Variants in TDRD5 observed in about 807,000 individuals in gnomAD.
TDRD5 encodes tudor domain containing 5.
TDRD5 carries 41 observed loss-of-function variants against 120.6 expected under a neutral mutation model. That is an observed-to-expected ratio of 0.34 (90% CI 0.26 to 0.44). The LOEUF is 0.44. TDRD5 is among the 20% of genes least tolerant of loss of function. The probability of loss-of-function intolerance (pLI) is 1.00; values close to 1 mark genes in which losing one functional copy is unlikely to be tolerated. For missense variants in TDRD5, 1,006 were observed against 1,221.2 expected (o/e 0.82, Z 2.63); for synonymous variants, 430 against 433.7 (o/e 0.99, Z 0.11).
chr1:179,625,827 A>G (rs147856249), intron 6 of TDRD5, among the ~76,000 whole-genome samples: 4,847 of 152,282 alleles, frequency 0.032, 114 homozygotes, highest in Middle Eastern at 0.051. Flanking sequence ...ATGTCCAACA[A>G]TGATAGACTG....
intron 17 of TDRD5, among the ~76,000 whole-genome samples, chr1:179,675,277 T>A (rs1459591245): frequency 1.8e-4 from 23 of 125,196 alleles, no homozygotes; most frequent in African/African-American, 6.4e-4. Flanking sequence ...ATTATTATTT[T>A]TTTTTTTTTT....
intron 15 of TDRD5, 29 bp from the exon 16 acceptor site, chr1:179,663,319 A>C (rs940025974): frequency 1.9e-6 from 3 of 1,589,378 alleles, no homozygotes; most frequent in Non-Finnish European, 2.6e-6. Flanking sequence ...ACTTTATCTC[A>C]GTCTGTTGTT....
At chr1:179,640,475 C>T (rs1677985522) in intron 11 of TDRD5, 30 bp downstream of exon 11, 1 of 1,606,418 alleles carries the variant, frequency 6.2e-7, no homozygotes, top group Admixed American at 1.7e-5. Context: ...ATTTAATCAG[C>T]AAACACTTGA....
At position 179,651,326 on chromosome 1, in the gene TDRD5, C is replaced by T. The variant is rs182919859; in HGVS notation, c.2001+259C>T. Among the ~76,000 whole-genome samples the T allele has an allele frequency of 1.8e-4, 27 of 152,226 alleles. 1 individual carries two copies. In the East Asian group the frequency reaches 3.7e-3, roughly 21 times the overall value. On this transcript the variant is annotated intron_variant, in intron 12 of 17. Transcript: ENST00000444136. ...TAAAAAGTAGTTATCTGGCCAGGCA[C>T]GGTGGCTGTCACCTGTAATCCCAGC...
At chr1:179,606,506 C>T (rs143791723) in intron 4 of TDRD5, among the ~76,000 whole-genome samples, 33 of 152,140 alleles carry the variant, frequency 2.2e-4, no homozygotes, top group Middle Eastern at 3.4e-3. Context: ...AGAAACTCAT[C>T]GCCTTATCCA....
chr1:179,634,541 C>T lies in TDRD5; in HGVS notation c.1211C>T (p.Thr404Ile), dbSNP rs199820621. Residue 404 changes from threonine (T) to isoleucine (I), a missense_variant, in exon 8 of 18, where the codon ACT becomes ATT. Around this residue, in one of 3 missense-constraint regions of TDRD5, gnomAD observed 445 missense variants for 515.5 expected, o/e 0.86. Coordinates refer to ENST00000444136, the MANE Select transcript of TDRD5 (RefSeq NM_001199085.3). ...TTGTCTACTGCTGCTGTCAAAGAGACTGTATGGAATTGCCCTTCAAAAAAA... is the reference window on the plus strand; with the variant it reads ...TTGTCTACTGCTGCTGTCAAAGAGATTGTATGGAATTGCCCTTCAAAAAAA... Reference protein sequence around the residue: ...NSLSTAAVKETVWNCPSKKQK... With the variant: ...NSLSTAAVKEIVWNCPSKKQK... 21 of 1,613,854 alleles carry T rather than the reference C, an allele frequency of 1.3e-5. No individual in the cohort carries two copies. The highest frequency in any genetic ancestry group is 1.8e-5 in the Non-Finnish European group (21 of 1,179,976).
intron 14 of TDRD5, 56 bp downstream of exon 14, chr1:179,654,418 A>C: frequency 7.0e-7 from 1 of 1,433,706 alleles, no homozygotes. Context: ...CACTGAATTC[A>C]TAAGTGAAGA....
chr1:179,622,697 C>G (rs1676903774), intron 6 of TDRD5, among the ~76,000 whole-genome samples: 1 of 151,958 alleles, frequency 6.6e-6, no homozygotes, highest in Non-Finnish European at 1.5e-5. Context: ...CAAGACAGAT[C>G]AATAGAAATT....
chr1:179,667,496 CT>C (rs1432509210), intron 16 of TDRD5, among the ~76,000 whole-genome samples: 1 of 152,084 alleles, frequency 6.6e-6, no homozygotes, highest in Non-Finnish European at 1.5e-5. Context: ...AACAAGTTAC[CT>C]TTTGTGCCCT....
chr1:179,620,672 T>G (rs1403941682), intron 5 of TDRD5, among the ~76,000 whole-genome samples: 1 of 152,192 alleles, frequency 6.6e-6, no homozygotes, highest in Non-Finnish European at 1.5e-5. Flanking sequence ...TTTCTAATGT[T>G]TATTGCATTT....
intron 4 of TDRD5, among the ~76,000 whole-genome samples, chr1:179,599,311 C>G (rs1401440895): frequency 6.6e-6 from 1 of 151,836 alleles, no homozygotes; most frequent in Non-Finnish European, 1.5e-5. Flanking sequence ...ATGCTTTTAT[C>G]TGGTTTTGGA....
intron 17 of TDRD5, among the ~76,000 whole-genome samples, chr1:179,681,436 T>C (rs1680414864): frequency 6.6e-6 from 1 of 152,144 alleles, no homozygotes; most frequent in African/African-American, 2.4e-5. Context: ...ATCAAAAATA[T>C]CCAGTTCTTG....
rs184789237 is a variant in TDRD5 at position 179,623,704 on chromosome 1, G to A, written c.972+2613G>A. ...GCTGGAGTACAGTGGCATGATCTTG[G>A]GTTACTGCAGCCTTGAACTCCTGGG... is the stretch of plus-strand genomic sequence containing the variant. On this transcript the variant is annotated intron_variant, in intron 6 of 17. Coordinates refer to ENST00000444136, the MANE Select transcript of TDRD5 (RefSeq NM_001199085.3). Among the ~76,000 whole-genome samples, 371 of 144,078 alleles carry A rather than the reference G, an allele frequency of 2.6e-3. 1 individual carries two copies. Among genetic ancestry groups the A allele is most frequent in the African/African-American group, 8.9e-3 (349 of 39,052 alleles). The allele number at this position is 144,078 out of a possible 152,430, so 94.5% of individuals were successfully genotyped here.
intron 14 of TDRD5, among the ~76,000 whole-genome samples, chr1:179,660,443 A>G (rs1185375987): frequency 6.6e-6 from 1 of 151,402 alleles, no homozygotes; most frequent in Non-Finnish European, 1.5e-5. Context: ...GATGGTCTCA[A>G]TCTCCTGACC....
Position 179,650,972 on chromosome 1 carries a change from T to G in TDRD5, c.1906T>G (p.Leu636Val). 4 of 1,614,170 alleles carry G rather than the reference T, an allele frequency of 2.5e-6. No homozygotes were observed. The highest frequency in any genetic ancestry group is 3.4e-6 in the Non-Finnish European group (4 of 1,180,026). ...TGTAGATGGAATCCTTAACATTTTTTTGTGTGACACATCCTCAAACGAAGA... is the reference window on the plus strand; with the variant it reads ...TGTAGATGGAATCCTTAACATTTTTGTGTGTGACACATCCTCAAACGAAGA... The part of the protein sequence containing the change: ...EYVDGILNIF[L>V]CDTSSNEDVY... Residue 636 changes from leucine to valine, a missense_variant, in exon 12 of 18, where the codon TTG becomes GTG. Leu to Val is a conservative substitution (Grantham distance 32). Coordinates refer to ENST00000444136, the MANE Select transcript of TDRD5 (RefSeq NM_001199085.3).
intron 17 of TDRD5, among the ~76,000 whole-genome samples, chr1:179,681,620 A>G (rs2147808646): frequency 6.6e-6 from 1 of 152,102 alleles, no homozygotes; most frequent in Non-Finnish European, 1.5e-5. Flanking sequence ...TTCGTAGGCC[A>G]TATGATCTGT....
chr1:179,643,612 G>A (rs970760171), intron 11 of TDRD5, among the ~76,000 whole-genome samples: 2 of 105,032 alleles, frequency 1.9e-5, no homozygotes. Flanking sequence ...AGGAGTCTAT[G>A]AACTTTAAAA....
intron 11 of TDRD5, among the ~76,000 whole-genome samples, chr1:179,645,800 G>A (rs764640839): frequency 2.0e-5 from 3 of 151,748 alleles, no homozygotes; most frequent in Admixed American, 6.6e-5. Context: ...TATCTTCCTG[G>A]CAGACTGAAT....
Position 179,662,222 on chromosome 1 carries a change from A to G in TDRD5, c.2441A>G (p.His814Arg), listed in dbSNP as rs1313342260. ...GGAAAAGGAGGTGATGCTGCCTCCCATCTATTTACTGCAAGCCTTGGTGGA... is the reference window on the plus strand; with the variant it reads ...GGAAAAGGAGGTGATGCTGCCTCCCGTCTATTTACTGCAAGCCTTGGTGGA... ...KMGKGGDAAS[H>R]LFTASLGGKN... The change falls in exon 15 of 18, where the codon CAT becomes CGT. Residue 814 changes from histidine to arginine, a missense_variant. By Grantham distance (29) the His-to-Arg change is conservative. Coordinates refer to ENST00000444136, the MANE Select transcript of TDRD5 (RefSeq NM_001199085.3). The G allele has an allele frequency of 1.9e-5, 30 of 1,611,882 alleles. No individual in the cohort carries two copies. The highest frequency in any genetic ancestry group is 2.4e-5 in the Non-Finnish European group (28 of 1,179,252).
Sources: gnomAD v4.1 joint callset for allele counts (sites outside exome capture counted in the v4.1 genomes callset) on GRCh38, gnomAD v4.1.1 for gene constraint, gnomAD v4.1.1 regional missense constraint, MANE v1.5 for transcripts, NCBI Gene and HGNC (gene_info 2026-07-23, HGNC 2026-07-21) for gene names.